The following OCA2 variants were observed in gnomAD, a reference collection of about 807,000 sequenced individuals.
OCA2 encodes the protein P protein.
Under a neutral mutation model 100.2 loss-of-function variants are expected in OCA2, and 77 were observed. That is an observed-to-expected ratio of 0.77 (90% CI 0.64 to 0.93). The LOEUF is 0.93. Ranked by LOEUF, OCA2 falls within the 40% of genes least tolerant of loss-of-function variation. The pLI is 0.00. For missense variants in OCA2, 1,062 were observed against 1,089.1 expected, an observed-to-expected ratio of 0.98 and a Z score of 0.35; for synonymous variants, 432 against 439.2, an observed-to-expected ratio of 0.98 and a Z score of 0.21.
intron 2 of OCA2, among the ~76,000 whole-genome samples, chr15:28,076,853 C>CAAAAA (rs575299612): frequency 0.016 from 950 of 60,646 alleles, 63 homozygotes; most frequent in African/African-American, 0.048. Flanking sequence ...GACTCCGTCT[C>CAAAAA]AAAAAAAAAA....
At chr15:27,741,530 G>T in the OCA2 span, among the ~76,000 whole-genome samples, 1 of 152,342 alleles carries the variant, frequency 6.6e-6, no homozygotes, top group East Asian at 1.9e-4. Flanking sequence ...CTGGCGGTGG[G>T]ACAGAATCCT....
chr15:28,033,243 C>T (rs887372976), intron 2 of OCA2, among the ~76,000 whole-genome samples: 1 of 152,216 alleles, frequency 6.6e-6, no homozygotes, highest in Non-Finnish European at 1.5e-5. Flanking sequence ...TTCCTGATCA[C>T]TGAGAATATG....
intron 18 of OCA2, among the ~76,000 whole-genome samples, chr15:27,943,990 T>C (rs957594851): frequency 6.6e-6 from 1 of 152,206 alleles, no homozygotes; most frequent in African/African-American, 2.4e-5. Context: ...TGGAGTGGTG[T>C]CATGGGCCGT....
chr15:27,836,030 C>T (rs896750143), intron 23 of OCA2, among the ~76,000 whole-genome samples: 1 of 152,206 alleles, frequency 6.6e-6, no homozygotes, highest in African/African-American at 2.4e-5. Flanking sequence ...GCTCTCGTGG[C>T]TCTCTCAGAC....
At position 27,990,602 on chromosome 15, in the gene OCA2, G is replaced by A; in HGVS notation, c.1090C>T (p.Leu364=). Residue 364 remains leucine, a synonymous_variant, in exon 10 of 24, where the codon CTG becomes TTG. Transcript: ENST00000354638. ...TCGCCAATCACAGCCAGTGCTGCCA[G>A]TGCTGCAAGGGAACCCAGCATGGCC... is the stretch of plus-strand genomic sequence containing the variant. ...LAAMLGSLAA[L]AALAVIGDRP... is the part of the protein sequence containing the mutation. 6.2e-7 allele frequency: 1 copy of A among 1,614,108 alleles called. No homozygotes were observed. The highest frequency in any genetic ancestry group is 8.5e-7 in the Non-Finnish European group (1 of 1,180,022).
intron 23 of OCA2, among the ~76,000 whole-genome samples, chr15:27,784,033 C>T (rs1446222836): frequency 6.6e-6 from 1 of 152,222 alleles, no homozygotes; most frequent in East Asian, 1.9e-4. Context: ...AGGGACACAA[C>T]ACCAGCCTAA....
chr15:27,731,411 T>C, the OCA2 span, among the ~76,000 whole-genome samples: 1 of 152,214 alleles, frequency 6.6e-6, no homozygotes, highest in Non-Finnish European at 1.5e-5. Flanking sequence ...CATATCTCTT[T>C]TGGAGAATGA....
At chr15:27,741,333 T>TG in the OCA2 span, among the ~76,000 whole-genome samples, 3 of 152,084 alleles carry the variant, frequency 2.0e-5, no homozygotes, top group African/African-American at 7.2e-5. Context: ...GACTGCTGCA[T>TG]GGGGGAGGCT....
intron 15 of OCA2, among the ~76,000 whole-genome samples, chr15:27,961,243 G>A (rs1053101556): frequency 2.6e-5 from 4 of 152,072 alleles, no homozygotes; most frequent in South Asian, 2.1e-4. Context: ...TCAAAACCAC[G>A]ATGAGATACC....
rs900400978 is a variant in OCA2 at position 27,815,961 on chromosome 15, G to A, written c.2432+28998C>T. Among the ~76,000 whole-genome samples the A allele has an allele frequency of 3.9e-5, 6 of 151,980 alleles. No individual in the cohort carries two copies. In the South Asian group the frequency reaches 8.3e-4, roughly 21 times the overall value. On this transcript the variant is annotated intron_variant, in intron 23 of 23. Transcript: ENST00000354638. The stretch of plus-strand genomic sequence containing the variant: ...AGCCTGACCAACATGGAGAAACCCC[G>A]TCTCTACTAAAAATACAAAAAAATT...
intron 19 of OCA2, chr15:27,896,618 G>C: frequency 5.4e-6 from 1 of 186,284 alleles, no homozygotes; most frequent in Non-Finnish European, 1.1e-5. Context: ...TTCAGATGAA[G>C]ATCATAAACT....
chr15:28,055,318 C>T (rs2141606967), intron 2 of OCA2, among the ~76,000 whole-genome samples: 1 of 152,308 alleles, frequency 6.6e-6, no homozygotes, highest in South Asian at 2.1e-4. Context: ...TGTTTTTTCA[C>T]ATATCTGATC....
At chr15:27,726,852 A>G in the OCA2 span, among the ~76,000 whole-genome samples, 5 of 152,250 alleles carry the variant, frequency 3.3e-5, no homozygotes, top group African/African-American at 1.2e-4. Context: ...TCTCTCAGCC[A>G]CTGTTGAGAT....
chr15:27,852,170 G>C (rs1302830188), intron 21 of OCA2, among the ~76,000 whole-genome samples: 1 of 152,212 alleles, frequency 6.6e-6, no homozygotes, highest in Non-Finnish European at 1.5e-5. Context: ...ATGAAACACA[G>C]TGGCTGTGAA....
At chr15:27,968,866 T>TG (rs538543740) in intron 14 of OCA2, among the ~76,000 whole-genome samples, 8 of 152,090 alleles carry the variant, frequency 5.3e-5, no homozygotes, top group Non-Finnish European at 1.2e-4. Flanking sequence ...AGTTCTTCAA[T>TG]GGGGGTATTA....
chr15:27,768,258 T>C (rs1465902101), intron 23 of OCA2, among the ~76,000 whole-genome samples: 1 of 152,174 alleles, frequency 6.6e-6, no homozygotes, highest in Non-Finnish European at 1.5e-5. Context: ...ATGAAAAAAA[T>C]TCTTCTATTA....
chr15:27,981,248 A>G (rs569052244), intron 14 of OCA2, among the ~76,000 whole-genome samples: 1 of 152,324 alleles, frequency 6.6e-6, no homozygotes, highest in South Asian at 2.1e-4. Context: ...CACCATTATA[A>G]TAACACTTTT....
At chr15:27,904,818 G>A (rs2038106860) in intron 19 of OCA2, among the ~76,000 whole-genome samples, 1 of 152,174 alleles carries the variant, frequency 6.6e-6, no homozygotes, top group Non-Finnish European at 1.5e-5. Context: ...CCTGGCCTGT[G>A]GCCACCACAG....
At chr15:27,870,219 G>C (rs1201017389) in intron 21 of OCA2, among the ~76,000 whole-genome samples, 1 of 152,206 alleles carries the variant, frequency 6.6e-6, no homozygotes, top group East Asian at 1.9e-4. Context: ...CCTTGCATGG[G>C]ATGTTCCCTG....
Sources: allele counts gnomAD v4.1 joint callset (sites outside exome capture counted in the v4.1 genomes callset), GRCh38; gene constraint gnomAD v4.1.1; transcripts MANE v1.5; gene names NCBI Gene and HGNC (gene_info 2026-07-23, HGNC 2026-07-21).